Variants in TTC7B observed in about 807,000 individuals in gnomAD.
TTC7B encodes the protein tetratricopeptide repeat protein 7B.
In TTC7B, 28 loss-of-function variants were observed where a neutral mutation model predicts 106.8. The observed-to-expected ratio is 0.26, with a 90% CI of 0.19 to 0.36. The LOEUF (loss-of-function observed/expected upper bound fraction) is 0.36, where lower values mean the gene tolerates loss of function less well. Ranked by LOEUF, TTC7B falls within the 10% of genes least tolerant of loss-of-function variation. The pLI, the probability that TTC7B is intolerant of heterozygous loss-of-function variation, is 1.00. For synonymous variants in TTC7B, 405 were observed against 430.6 expected (o/e 0.94, Z 0.74); for missense variants, 862 against 1,076.4 (o/e 0.80, Z 2.79).
intron 19 of TTC7B, among the ~76,000 whole-genome samples, chr14:90,547,696 C>G (rs550951495): frequency 2.6e-4 from 39 of 152,244 alleles, no homozygotes; most frequent in African/African-American, 9.4e-4. Flanking sequence ...ACTTGGGAGG[C>G]TGAGGTGGGA....
chr14:90,689,850 A>G, intron 6 of TTC7B, 138 bp from the exon 7 acceptor site: 2 of 933,674 alleles, frequency 2.1e-6, no homozygotes, highest in Non-Finnish European at 3.0e-6. Flanking sequence ...TTTTTCCTTT[A>G]CGATGGTAAT....
At chr14:90,780,608 G>A (rs541610831) in intron 3 of TTC7B, 130 bp downstream of exon 3, 44 of 1,028,478 alleles carry the variant, frequency 4.3e-5, no homozygotes, top group Admixed American at 1.4e-4. Flanking sequence ...GCTGCAGGGC[G>A]GCCCCAGCAG....
intron 5 of TTC7B, among the ~76,000 whole-genome samples, chr14:90,703,853 TCA>T (rs1228200847): frequency 1.3e-5 from 2 of 152,196 alleles, no homozygotes; most frequent in African/African-American, 4.8e-5. Flanking sequence ...GATGGGATTG[TCA>T]CACATTCTCA....
chr14:90,560,101 G>A (rs1333320962), intron 19 of TTC7B, among the ~76,000 whole-genome samples: 2 of 152,196 alleles, frequency 1.3e-5, no homozygotes, highest in Admixed American at 6.5e-5. Flanking sequence ...GCCAATGTCC[G>A]GTGCTCTCCT....
intron 3 of TTC7B, among the ~76,000 whole-genome samples, chr14:90,761,020 A>G (rs2140016848): frequency 6.6e-6 from 1 of 152,344 alleles, no homozygotes; most frequent in Non-Finnish European, 1.5e-5. Flanking sequence ...ACAGTGAGAA[A>G]ATTATGACAG....
rs1011647145 is a variant in TTC7B, at chr14:90,527,121, G to C, written c.*14247C>G. On this transcript the variant is annotated 3_prime_UTR_variant, in exon 20 of 20. Transcript: ENST00000328459. ...TGATTACACTGGAGTTATGGGTTTG[G>C]GGGAAGAAGACCACAGAGATGAGGT... 5.9e-5 allele frequency: 9 copies of C among 151,956 alleles called. No individual in the cohort carries two copies. The highest frequency in any genetic ancestry group is 1.3e-4 in the Admixed American group (2 of 15,252). 9.4% of individuals were successfully genotyped at this position (151,956 alleles called of 1,614,324 possible). A position where few individuals can be genotyped will look rare whatever the true frequency, so the allele number is the denominator to read the frequency against.
chr14:90,667,163 A>G (rs1270667708), intron 9 of TTC7B, among the ~76,000 whole-genome samples: 1 of 152,234 alleles, frequency 6.6e-6, no homozygotes, highest in Non-Finnish European at 1.5e-5. Flanking sequence ...GGAGGAAGTA[A>G]GGAGTTGAGA....
At chr14:90,696,163 T>A (rs1243150656) in intron 5 of TTC7B, among the ~76,000 whole-genome samples, 1 of 152,154 alleles carries the variant, frequency 6.6e-6, no homozygotes, top group Non-Finnish European at 1.5e-5. Flanking sequence ...AGAGCGAGCA[T>A]GTGACAACTG....
chr14:90,705,932 A>G (rs1259321507), intron 5 of TTC7B, among the ~76,000 whole-genome samples: 1 of 152,154 alleles, frequency 6.6e-6, no homozygotes, highest in Non-Finnish European at 1.5e-5. Flanking sequence ...CATTCATGCT[A>G]CAGTTCAATA....
At chr14:90,792,443 G>A (rs1413722545) in intron 1 of TTC7B, among the ~76,000 whole-genome samples, 1 of 152,102 alleles carries the variant, frequency 6.6e-6, no homozygotes, top group Non-Finnish European at 1.5e-5. Flanking sequence ...CAGGCATGGT[G>A]GTGCACGCCT....
At chr14:90,671,739 T>C (rs1419350748) in intron 9 of TTC7B, among the ~76,000 whole-genome samples, 1 of 152,234 alleles carries the variant, frequency 6.6e-6, no homozygotes, top group African/African-American at 2.4e-5. Context: ...GAGGATGTGA[T>C]AAACCTTTGG....
At chr14:90,648,742 A>T (rs986821745) in intron 13 of TTC7B, 4 of 152,262 alleles carry the variant, frequency 2.6e-5, no homozygotes, top group Non-Finnish European at 5.9e-5. Flanking sequence ...TACATCAAAG[A>T]ATATTTTTCT....
rs1432926578 is a variant in TTC7B, at chr14:90,647,218, G to A, written c.1518-195C>T. On this transcript the variant is annotated intron_variant, in intron 13 of 19. Coordinates refer to ENST00000328459, the MANE Select transcript of TTC7B (RefSeq NM_001010854.2). ...ATTTCCCTCTTACCACTGTATAAAG[G>A]TACAGAATAGGAGTGCATTTCTGTG... 39 of 568,242 alleles carry A rather than the reference G, an allele frequency of 6.9e-5. No homozygotes were observed. In the East Asian group the frequency reaches 1.2e-3, roughly 17 times the overall value. The allele number at this position is 568,242 out of a possible 1,614,324, so 35.2% of individuals were successfully genotyped here.
At chr14:90,565,702 T>C (rs2139789368) in intron 19 of TTC7B, among the ~76,000 whole-genome samples, 1 of 152,208 alleles carries the variant, frequency 6.6e-6, no homozygotes, top group Non-Finnish European at 1.5e-5. Context: ...GCCTGGCCAA[T>C]CCTTTCTAGC....
intron 5 of TTC7B, among the ~76,000 whole-genome samples, chr14:90,710,421 A>C (rs1408845212): frequency 1.3e-5 from 2 of 152,230 alleles, no homozygotes; most frequent in Non-Finnish European, 2.9e-5. Context: ...TGGTAATAAC[A>C]ACAAAGGATT....
chr14:90,706,544 T>C (rs900910063), intron 5 of TTC7B, among the ~76,000 whole-genome samples: 3 of 152,230 alleles, frequency 2.0e-5, no homozygotes, highest in Non-Finnish European at 4.4e-5. Flanking sequence ...TTTTATGTTT[T>C]CCATTTATTT....
chr14:90,716,689 T>A (rs1206004052), intron 5 of TTC7B, among the ~76,000 whole-genome samples: 1 of 152,154 alleles, frequency 6.6e-6, no homozygotes, highest in East Asian at 1.9e-4. Flanking sequence ...GTAATTCAGG[T>A]TTTACTAAGC....
chr14:90,552,390 C>T (rs1157677988), intron 19 of TTC7B, among the ~76,000 whole-genome samples: 1 of 152,182 alleles, frequency 6.6e-6, no homozygotes, highest in Non-Finnish European at 1.5e-5. Context: ...GACCCAGTTT[C>T]CCCAAAGGCC....
intron 8 of TTC7B, among the ~76,000 whole-genome samples, chr14:90,677,260 GAT>G (rs973756211): frequency 6.8e-4 from 103 of 152,238 alleles, no homozygotes; most frequent in African/African-American, 2.4e-3. Context: ...GCACAACACA[GAT>G]ATATAAGAGA....
Sources: gnomAD v4.1 joint callset for allele counts (sites outside exome capture counted in the v4.1 genomes callset) on GRCh38, gnomAD v4.1.1 for gene constraint, MANE v1.5 for transcripts, NCBI Gene and HGNC (gene_info 2026-07-23, HGNC 2026-07-21) for gene names.